The following ALLC variants were observed in gnomAD, a reference collection of about 807,000 sequenced individuals.
ALLC encodes allantoicase.
In ALLC, 40 loss-of-function variants were observed where a neutral mutation model predicts 45.0. The ratio of observed to expected loss-of-function variants is 0.89; its 90% confidence interval spans 0.69 to 1.16. ALLC has a LOEUF of 1.16. ALLC is among the 50% of genes most tolerant of loss of function. The pLI is 0.00. For missense variants in ALLC, 488 were observed against 493.1 expected (o/e 0.99, Z 0.10); for synonymous variants, 176 against 178.1 (o/e 0.99, Z 0.09).
intron 7 of ALLC, among the ~76,000 whole-genome samples, chr2:3,690,215 T>G (rs1415440341): frequency 1.5e-5 from 2 of 137,434 alleles, no homozygotes; most frequent in African/African-American, 5.3e-5. Context: ...AAGAGCTTAC[T>G]GTCATTTTGT....
chr2:3,681,634 A>G lies in ALLC; in HGVS notation c.299A>G (p.Asp100Gly), dbSNP rs1161651523. Reference protein sequence around the residue: ...VSIQAANLEEDKLPEIPERGT... With the variant: ...VSIQAANLEEGKLPEIPERGT... The stretch of plus-strand genomic sequence containing the variant: ...TCCTGAATGGTCATTCCAACTACAG[A>G]TAAACTACCAGAAATCCCAGAAAGA... The change falls in exon 6 of 12, where the codon GAT (aspartate) becomes GGT (glycine). Residue 100 changes from aspartate to glycine, a missense_variant and splice_region_variant. Transcript: ENST00000252505. 3 of 1,607,680 alleles carry G rather than the reference A, an allele frequency of 1.9e-6. No individual in the cohort carries two copies. The highest frequency in any genetic ancestry group is 2.6e-6 in the Non-Finnish European group (3 of 1,176,430).
At chr2:3,650,738 G>GGT in the ALLC span, among the ~76,000 whole-genome samples, 1 of 152,168 alleles carries the variant, frequency 6.6e-6, no homozygotes, top group East Asian at 1.9e-4. Context: ...CTCCCATGTG[G>GGT]GTACCCACTG....
At chr2:3,684,412 C>T (rs1667273387) in intron 7 of ALLC, among the ~76,000 whole-genome samples, 1 of 152,156 alleles carries the variant, frequency 6.6e-6, no homozygotes, top group African/African-American at 2.4e-5. Context: ...CTTCAGATCT[C>T]TATTCACTTG....
At chr2:3,673,382 C>T (rs1301058904) in intron 2 of ALLC, among the ~76,000 whole-genome samples, 1 of 152,204 alleles carries the variant, frequency 6.6e-6, no homozygotes, top group Non-Finnish European at 1.5e-5. Context: ...AGGTCAACCT[C>T]AGCACATCAG....
rs765099313 is a variant in ALLC at position 3,695,823 on chromosome 2, C to T, written c.618C>T (p.Val206=). ...TAGTGGCCATCGCTTTTGGGGGTGT[C>T]TGTGTAGGATTTAGTAATGCTAAGT... is the stretch of plus-strand genomic sequence containing the variant. ...ADLVAIAFGG[V]CVGFSNAKFG... is the part of the protein sequence containing the mutation. Residue 206 remains valine, a synonymous_variant, in exon 8 of 12, where the codon GTC becomes GTT. Transcript: ENST00000252505. 3 of 1,613,760 alleles carry T rather than the reference C, an allele frequency of 1.9e-6. No homozygotes were observed. The African/African-American group carries it at 4.0e-5, about 22-fold the overall frequency.
chr2:3,651,346 T>G, the ALLC span, among the ~76,000 whole-genome samples: 1 of 1,420 alleles, frequency 7.0e-4, no homozygotes, highest in Non-Finnish European at 1.9e-3. Flanking sequence ...TGTGTGTGTG[T>G]GTGTGTGTGT....
At chr2:3,693,872 C>A (rs561479352) in intron 7 of ALLC, among the ~76,000 whole-genome samples, 42 of 152,224 alleles carry the variant, frequency 2.8e-4, no homozygotes, top group African/African-American at 9.9e-4. Flanking sequence ...CCTGTAATCC[C>A]GGCTAGTTGG....
chr2:3,696,121 ATTGT>A (rs1265134557), intron 8 of ALLC, among the ~76,000 whole-genome samples, 150 bp from the exon 9 acceptor site: 1 of 152,212 alleles, frequency 6.6e-6, no homozygotes, highest in Non-Finnish European at 1.5e-5. Context: ...TAACCCTATG[ATTGT>A]TTGTGAATTT....
Position 3,680,328 on chromosome 2 carries a change from C to T in ALLC, c.298+334C>T, listed in dbSNP as rs58949642. On this transcript the variant is annotated intron_variant, in intron 5 of 11. Transcript: ENST00000252505. This position sits in a 1 kb window ranked among gnomAD's most constrained non-coding sequence, Gnocchi z 4.0. ...GGAGTGGTTTGTGCCTCAGATGACC[C>T]GGGTGATGTGGACCCAGGTCTGGGA... 8.4e-3 allele frequency among the ~76,000 whole-genome samples: 1,278 copies of T among 152,096 alleles called. 22 individuals carry two copies. Among genetic ancestry groups the T allele is most frequent in the African/African-American group, 0.03 (1,240 of 41,412 alleles).
intron 6 of ALLC, 121 bp downstream of exon 6, chr2:3,681,834 A>G (rs1480410771): frequency 7.1e-6 from 5 of 703,062 alleles, no homozygotes; most frequent in Non-Finnish European, 1.1e-5. Flanking sequence ...TGCTCCCCAC[A>G]TCATTTGCTT....
At chr2:3,695,689 CA>C (rs767253242) in intron 7 of ALLC, 27 bp from the exon 8 acceptor site, 1 of 1,613,732 alleles carries the variant, frequency 6.2e-7, no homozygotes, top group South Asian at 1.1e-5. Context: ...TTTTTACAAA[CA>C]ATAACTAAGG....
chr2:3,687,119 C>G, intron 7 of ALLC, among the ~76,000 whole-genome samples: 1 of 150,470 alleles, frequency 6.6e-6, no homozygotes, highest in East Asian at 2.0e-4. Context: ...TTTCTATACC[C>G]AATTTATTGA....
upstream of ALLC, among the ~76,000 whole-genome samples, chr2:3,656,011 G>C (rs961023491): frequency 2.6e-5 from 4 of 152,212 alleles, no homozygotes; most frequent in Non-Finnish European, 4.4e-5. Context: ...GGAATGGGGC[G>C]GGGGGAGGAA....
At chr2:3,682,619 A>G (rs13416133) in intron 6 of ALLC, among the ~76,000 whole-genome samples, 25,595 of 152,086 alleles carry the variant, frequency 0.17, 2,799 homozygotes, top group African/African-American at 0.31. Flanking sequence ...TCCGCCTCCC[A>G]GGTTCACGCC....
chr2:3,697,164 T>C (rs1353797787), intron 9 of ALLC, among the ~76,000 whole-genome samples, 184 bp from the exon 10 acceptor site: 2 of 152,154 alleles, frequency 1.3e-5, no homozygotes, highest in East Asian at 1.9e-4. Flanking sequence ...GCAAGAGACA[T>C]TTAAGAAATG....
intron 7 of ALLC, among the ~76,000 whole-genome samples, chr2:3,683,960 T>C (rs544648766): frequency 3.3e-5 from 5 of 152,352 alleles, no homozygotes; most frequent in African/African-American, 1.2e-4. Context: ...AGATAAGGGA[T>C]ACTCAACCAC....
chr2:3,659,842 G>A (rs542977960), intron 1 of ALLC, among the ~76,000 whole-genome samples: 2 of 152,346 alleles, frequency 1.3e-5, no homozygotes, highest in South Asian at 4.1e-4. Flanking sequence ...TCTGGGATTT[G>A]TGGCTGAGGA....
At chr2:3,701,875 G>T (rs748187125) in intron 11 of ALLC, among the ~76,000 whole-genome samples, 6 of 152,156 alleles carry the variant, frequency 3.9e-5, no homozygotes, top group Non-Finnish European at 8.8e-5. Context: ...GTGGAAACAT[G>T]TCTCTGCATC....
Position 3,696,362 on chromosome 2 carries a change from A to G in ALLC, c.741+14A>G. The G allele has an allele frequency of 6.3e-7, 1 of 1,599,440 alleles. No homozygotes were observed. The highest frequency in any genetic ancestry group is 8.5e-7 in the Non-Finnish European group (1 of 1,172,882). On this transcript the variant is annotated intron_variant, in intron 9 of 11. Transcript: ENST00000252505. ...CCAATATTAGAAGTAAGAAGTTAAA[A>G]ATAACTATGGTTTAAAGTTTTTCTT...
Sources: gnomAD v4.1 joint callset for allele counts (sites outside exome capture counted in the v4.1 genomes callset) on GRCh38, gnomAD v4.1.1 for gene constraint, Gnocchi (gnomAD v3.1) non-coding constraint, MANE v1.5 for transcripts, NCBI Gene and HGNC (gene_info 2026-07-23, HGNC 2026-07-21) for gene names.